ABCB1: variants seen among roughly 807,000 people sequenced by gnomAD.
ABCB1 encodes the protein ATP binding cassette subfamily B member 1.
A neutral mutation model predicts 142.0 loss-of-function variants in ABCB1; 69 were observed. That is an observed-to-expected ratio of 0.49 (90% CI 0.40 to 0.59). The LOEUF (loss-of-function observed/expected upper bound fraction) is 0.59. Among genes scored for constraint, ABCB1 ranks in the 20% least tolerant of loss-of-function variants. The probability of loss-of-function intolerance (pLI) is 0.00; values close to 1 mark genes in which losing one functional copy is unlikely to be tolerated. For synonymous variants in ABCB1, 532 were observed against 539.2 expected, an observed-to-expected ratio of 0.99 and a Z score of 0.18; for missense variants, 1,326 against 1,554.7, an observed-to-expected ratio of 0.85 and a Z score of 2.47.
chr7:87,515,798 TA>T, intron 24 of ABCB1, among the ~76,000 whole-genome samples: 1 of 151,676 alleles, frequency 6.6e-6, no homozygotes, highest in Non-Finnish European at 1.5e-5. Flanking sequence ...AGTTTCACCA[TA>T]TTGGCCAAGC....
intron 14 of ABCB1, among the ~76,000 whole-genome samples, chr7:87,547,315 A>G (rs1464613032): frequency 6.6e-6 from 1 of 152,234 alleles, no homozygotes. Context: ...TTAAGAAAAA[A>G]GGGGTATGTG....
At chr7:87,542,359 ATTTAT>A (rs1816578529) in intron 17 of ABCB1, among the ~76,000 whole-genome samples, 1 of 152,196 alleles carries the variant, frequency 6.6e-6, no homozygotes, top group African/African-American at 2.4e-5. Context: ...CAGAAGTATG[ATTTAT>A]TATCATCACG....
intron 6 of ABCB1, among the ~76,000 whole-genome samples, chr7:87,566,522 T>C (rs551694125): frequency 6.6e-6 from 1 of 152,358 alleles, no homozygotes; most frequent in Non-Finnish European, 1.5e-5. Flanking sequence ...CTTGTTTTGC[T>C]CTACTGCACA....
intron 1 of ABCB1, among the ~76,000 whole-genome samples, chr7:87,639,409 T>C (rs1272035710): frequency 2.0e-5 from 3 of 152,196 alleles, no homozygotes; most frequent in South Asian, 4.1e-4. Flanking sequence ...CAGTTAAGTC[T>C]AGTGTTTTAA....
chr7:87,550,038 T>C lies in ABCB1; in HGVS notation c.1367A>G (p.Gln456Arg). The change falls in exon 13 of 28, where the codon CAG (glutamine) becomes CGG (arginine). Residue 456 changes from glutamine (Q) to arginine (R), a missense_variant. Gln to Arg is a conservative substitution (Grantham distance 43). Transcript: ENST00000622132. ...CCTTACATTTATGGTCCTAATATCCTGTCCATCAACACTGACCTGGAATAA... is the reference window on the plus strand; with the variant it reads ...CCTTACATTTATGGTCCTAATATCCCGTCCATCAACACTGACCTGGAATAA... The part of the protein sequence containing the change: ...PTEGMVSVDG[Q>R]DIRTINVRFL... 1 of 1,614,230 alleles carries C rather than the reference T, an allele frequency of 6.2e-7. No individual in the cohort carries two copies.
In ABCB1 at chr7:87,544,234, C is replaced by T. The variant is rs143151234; in HGVS notation, c.2106G>A (p.Lys702=). The T allele has an allele frequency of 2.2e-4, 349 of 1,613,518 alleles. 1 individual carries two copies. The highest frequency in any genetic ancestry group is 4.7e-4 in the South Asian group (43 of 91,062). ...AATAAGGCCATTCAGTTAAATTTAGCTTCATAATCCTCCAAAAGGAAACTG... is the reference window on the plus strand; with the variant it reads ...AATAAGGCCATTCAGTTAAATTTAGTTTCATAATCCTCCAAAAGGAAACTG... ...IPPVSFWRIM[K]LNLTEWPYFV... is the part of the protein sequence containing the mutation. The change falls in exon 17 of 28, where the codon AAG becomes AAA. Residue 702 remains lysine (K), a synonymous_variant. Coordinates refer to ENST00000622132, the MANE Select transcript of ABCB1 (RefSeq NM_001348946.2).
At chr7:87,699,297 G>A (rs1489580626) in intron 1 of ABCB1, among the ~76,000 whole-genome samples, 1 of 152,090 alleles carries the variant, frequency 6.6e-6, no homozygotes, top group Non-Finnish European at 1.5e-5. Context: ...TCCTAGGGAA[G>A]ACTAGTCATA....
intron 26 of ABCB1, among the ~76,000 whole-genome samples, chr7:87,508,383 T>C (rs1402865072): frequency 6.6e-6 from 1 of 152,202 alleles, no homozygotes; most frequent in East Asian, 1.9e-4. Context: ...ATACATGAAA[T>C]ATAAGTGAAT....
intron 1 of ABCB1, among the ~76,000 whole-genome samples, chr7:87,667,701 T>A (rs1825403116): frequency 6.6e-6 from 1 of 152,130 alleles, no homozygotes; most frequent in Admixed American, 6.6e-5. Context: ...TGAAGCGGTG[T>A]TGAATTTTAT....
At chr7:87,571,239 G>A (rs535513642) in intron 4 of ABCB1, among the ~76,000 whole-genome samples, 1 of 152,324 alleles carries the variant, frequency 6.6e-6, no homozygotes, top group African/African-American at 2.4e-5. Flanking sequence ...GGGTAAGCCT[G>A]TTTTTGACAG....
rs759680987 is a variant in ABCB1 at position 87,585,671 on chromosome 7, A to C, written c.127T>G (p.Ser43Ala). The C allele has an allele frequency of 2.0e-5, 33 of 1,613,652 alleles. No individual in the cohort carries two copies. The highest frequency in any genetic ancestry group is 3.3e-5 in the Admixed American group (2 of 59,990). ...ATATACAACTTGTCAAGCCAATTTG[A>C]ATAGCGAAACTAAAAAGAGAGAAAA... ...TVSVFSMFRY[S>A]NWLDKLYMVV... The change falls in exon 4 of 28, where the codon TCA becomes GCA. Residue 43 changes from serine (S) to alanine (A), a missense_variant. Ser to Ala is a moderately conservative substitution (Grantham distance 99, BLOSUM62 1). Transcript: ENST00000622132.
At position 87,549,467 on chromosome 7, in the gene ABCB1, T is replaced by G. The variant is rs746652079; in HGVS notation, c.1606A>C (p.Lys536Gln). 9.3e-6 allele frequency: 15 copies of G among 1,614,062 alleles called. No homozygotes were observed. Among genetic ancestry groups the G allele is most frequent in the Non-Finnish European group, 8.5e-7 (1 of 1,180,038 alleles). Residue 536 changes from lysine to glutamine, a missense_variant, in exon 14 of 28, where the codon AAG becomes CAG. By Grantham distance (53) the Lys-to-Gln change is moderately conservative. Transcript: ENST00000622132. ...ERGAQLSGGQ[K>Q]QRIAIARALV... is the part of the protein sequence containing the mutation. Reference sequence around the variant, plus strand: ...GCACGTGCAATGGCGATCCTCTGCTTCTGCCCACCACTCAACTGGGCCCCT... The same window carrying G: ...GCACGTGCAATGGCGATCCTCTGCTGCTGCCCACCACTCAACTGGGCCCCT...
At chr7:87,622,009 G>A (rs1438591411) in intron 1 of ABCB1, among the ~76,000 whole-genome samples, 3 of 151,908 alleles carry the variant, frequency 2.0e-5, no homozygotes, top group East Asian at 1.9e-4. Flanking sequence ...AGTGCAAATA[G>A]GTTAACTATT....
At chr7:87,646,765 A>G (rs1291605802) in intron 1 of ABCB1, among the ~76,000 whole-genome samples, 1 of 152,072 alleles carries the variant, frequency 6.6e-6, no homozygotes, top group Non-Finnish European at 1.5e-5. Context: ...ATTCTTGTGT[A>G]TTGTCACTGA....
At chr7:87,652,579 A>C (rs914948344) in intron 1 of ABCB1, among the ~76,000 whole-genome samples, 1 of 147,666 alleles carries the variant, frequency 6.8e-6, no homozygotes, top group African/African-American at 2.6e-5. Flanking sequence ...AAGCTAGGTA[A>C]GTTAATTTAA....
chr7:87,641,047 C>G (rs1342930527), intron 1 of ABCB1, among the ~76,000 whole-genome samples: 1 of 152,040 alleles, frequency 6.6e-6, no homozygotes, highest in Non-Finnish European at 1.5e-5. Context: ...CTCTCTTACT[C>G]CTTTCTTTGT....
intron 11 of ABCB1, 69 bp from the exon 12 acceptor site, chr7:87,550,365 A>G: frequency 1.9e-6 from 3 of 1,611,336 alleles, no homozygotes; most frequent in Non-Finnish European, 1.7e-6. Context: ...CTGACTGTTC[A>G]CTAGGTTTAA....
At chr7:87,646,002 C>T (rs1374090183) in intron 1 of ABCB1, among the ~76,000 whole-genome samples, 1 of 152,070 alleles carries the variant, frequency 6.6e-6, no homozygotes, top group East Asian at 1.9e-4. Context: ...GCTTTCTCAC[C>T]CTTAAATGTC....
At chr7:87,689,308 A>G (rs1335430053) in intron 1 of ABCB1, among the ~76,000 whole-genome samples, 1 of 152,050 alleles carries the variant, frequency 6.6e-6, no homozygotes, top group Non-Finnish European at 1.5e-5. Context: ...TTATCTGTTT[A>G]TAGCCCTTTG....
Sources: allele counts gnomAD v4.1 joint callset (sites outside exome capture counted in the v4.1 genomes callset), GRCh38; gene constraint gnomAD v4.1.1; transcripts MANE v1.5; gene names NCBI Gene and HGNC (gene_info 2026-07-23, HGNC 2026-07-21).